CLNK: variants seen among roughly 807,000 people sequenced by gnomAD.
The protein encoded by CLNK is cytokine-dependent hematopoietic cell linker.
A neutral mutation model predicts 68.6 loss-of-function variants in CLNK; 74 were observed. The ratio of observed to expected loss-of-function variants is 1.08; its 90% CI spans 0.89 to 1.31. The LOEUF is 1.31. CLNK is among the 50% of genes most tolerant of loss of function. The pLI is 0.00. For synonymous variants in CLNK, 198 were observed against 172.2 expected, an observed-to-expected ratio of 1.15 and a Z score of -1.17; for missense variants, 553 against 515.3, an observed-to-expected ratio of 1.07 and a Z score of -0.71.
the CLNK span, among the ~76,000 whole-genome samples, chr4:10,724,268 G>A: frequency 3.9e-5 from 6 of 152,032 alleles, no homozygotes; most frequent in Admixed American, 6.5e-5. Flanking sequence ...CTGGATACCT[G>A]CATGGATAAC....
At position 10,516,748 on chromosome 4, in the gene CLNK, G is replaced by A. The variant is rs1233262715; in HGVS notation, c.773-3151C>T. Among the ~76,000 whole-genome samples, 3 of 152,046 alleles carry A rather than the reference G, an allele frequency of 2.0e-5. No individual in the cohort carries two copies. In the East Asian group the frequency reaches 5.8e-4, roughly 29 times the overall value. On this transcript the variant is annotated intron_variant, in intron 15 of 18. Coordinates refer to ENST00000226951, the MANE Select transcript of CLNK (RefSeq NM_052964.4). Reference sequence around the variant, plus strand: ...TTGTGTTTAGTAGAGTCAGGGTTTTGCAATGCTAGCCAGTCTGGTCTTGAA... The same window carrying A: ...TTGTGTTTAGTAGAGTCAGGGTTTTACAATGCTAGCCAGTCTGGTCTTGAA...
chr4:10,728,733 C>T, the CLNK span, among the ~76,000 whole-genome samples: 3 of 151,782 alleles, frequency 2.0e-5, no homozygotes, highest in East Asian at 1.9e-4. Flanking sequence ...GGACTACAGG[C>T]GCCTGCCACC....
At chr4:10,666,192 T>C (rs1263251405) in intron 2 of CLNK, among the ~76,000 whole-genome samples, 1 of 152,142 alleles carries the variant, frequency 6.6e-6, no homozygotes, top group African/African-American at 2.4e-5. Flanking sequence ...GCTGAACCCT[T>C]AATTTCGAAT....
chr4:10,542,532 CA>C (rs1307961989), intron 8 of CLNK, among the ~76,000 whole-genome samples: 2 of 152,078 alleles, frequency 1.3e-5, no homozygotes, highest in Non-Finnish European at 2.9e-5. Flanking sequence ...CACCTACACT[CA>C]CCCAGCGAGT....
chr4:10,640,485 A>G (rs1160295967), intron 2 of CLNK, among the ~76,000 whole-genome samples: 1 of 152,168 alleles, frequency 6.6e-6, no homozygotes, highest in African/African-American at 2.4e-5. Context: ...ATTTTTGAAG[A>G]GGTCTTAAAA....
chr4:10,542,229 A>C, intron 9 of CLNK, 26 bp downstream of exon 9: 2 of 1,439,288 alleles, frequency 1.4e-6, no homozygotes, highest in South Asian at 1.2e-5. Flanking sequence ...AATGAATAAC[A>C]AATGCATTTT....
upstream of CLNK, among the ~76,000 whole-genome samples, chr4:10,687,068 G>GAT (rs1156586980): frequency 1.3e-5 from 2 of 152,056 alleles, no homozygotes; most frequent in Admixed American, 1.3e-4. Context: ...ATGGACTTCA[G>GAT]ATATATATAA....
chr4:10,677,387 G>A (rs567367193), intron 1 of CLNK, among the ~76,000 whole-genome samples: 1 of 152,134 alleles, frequency 6.6e-6, no homozygotes, highest in East Asian at 1.9e-4. Context: ...AAATTTGTGA[G>A]GGAAATTTAA....
the CLNK span, among the ~76,000 whole-genome samples, chr4:10,728,301 A>G: frequency 6.6e-6 from 1 of 152,232 alleles, no homozygotes; most frequent in African/African-American, 2.4e-5. Flanking sequence ...AGAAGAATAC[A>G]CAAATACCAT....
the CLNK span, among the ~76,000 whole-genome samples, chr4:10,698,488 T>G: frequency 6.6e-6 from 1 of 152,306 alleles, no homozygotes; most frequent in South Asian, 2.1e-4. Context: ...ATAAAACAGG[T>G]TTGTTCATAT....
At chr4:10,675,189 C>T (rs966875279) in intron 1 of CLNK, among the ~76,000 whole-genome samples, 4 of 152,096 alleles carry the variant, frequency 2.6e-5, no homozygotes, top group Admixed American at 6.5e-5. Context: ...AAGAATCACA[C>T]CTATATTTTA....
At chr4:10,632,822 G>A (rs772295687) in intron 2 of CLNK, among the ~76,000 whole-genome samples, 11 of 152,174 alleles carry the variant, frequency 7.2e-5, no homozygotes, top group South Asian at 2.1e-4. Flanking sequence ...TTTTGCATTC[G>A]TCATGTATTA....
the CLNK span, among the ~76,000 whole-genome samples, chr4:10,726,825 G>T: frequency 3.2e-4 from 49 of 152,224 alleles, no homozygotes; most frequent in Middle Eastern, 3.4e-3. Context: ...CCTTCCCGTG[G>T]GTATGACAAT....
chr4:10,692,174 T>C, the CLNK span: 5 of 152,194 alleles, frequency 3.3e-5, no homozygotes, highest in African/African-American at 1.2e-4. Context: ...TTTCCTGTAC[T>C]TTGTTTTCCT....
At chr4:10,697,430 A>T in the CLNK span, 2 of 152,188 alleles carry the variant, frequency 1.3e-5, no homozygotes, top group Admixed American at 6.6e-5. Flanking sequence ...AACTGGGGTC[A>T]GGGTCTCCAG....
chr4:10,493,477 T>G (rs1488487506), intron 18 of CLNK, among the ~76,000 whole-genome samples: 3 of 152,258 alleles, frequency 2.0e-5, no homozygotes, highest in Admixed American at 2.0e-4. Flanking sequence ...TGTCCTCACA[T>G]GGTCCAAAGA....
chr4:10,629,750 G>T (rs965073446), intron 2 of CLNK, among the ~76,000 whole-genome samples: 2 of 151,786 alleles, frequency 1.3e-5, no homozygotes, highest in Non-Finnish European at 2.9e-5. Context: ...GCAGTGTGAA[G>T]TTCAGGGGGG....
chr4:10,627,966 G>A (rs1321985954), intron 2 of CLNK, among the ~76,000 whole-genome samples: 4 of 152,142 alleles, frequency 2.6e-5, no homozygotes, highest in African/African-American at 7.2e-5. Flanking sequence ...AGAGGTCCCC[G>A]CATAATTCAC....
intron 2 of CLNK, among the ~76,000 whole-genome samples, 187 bp from the exon 3 acceptor site, chr4:10,598,236 A>G (rs949958383): frequency 2.0e-5 from 3 of 152,206 alleles, no homozygotes; most frequent in Non-Finnish European, 2.9e-5. Flanking sequence ...AAGTAATCCA[A>G]TTCTTAATTT....
Sources: gnomAD v4.1 joint callset for allele counts (sites outside exome capture counted in the v4.1 genomes callset) on GRCh38, gnomAD v4.1.1 for gene constraint, MANE v1.5 for transcripts, NCBI Gene and HGNC (gene_info 2026-07-23, HGNC 2026-07-21) for gene names.